Variants in SGCD observed in about 807,000 individuals in gnomAD.
SGCD encodes sarcoglycan delta, also known as delta-sarcoglycan.
In SGCD, 18 loss-of-function variants were observed where a neutral mutation model predicts 36.6. The ratio of observed to expected loss-of-function variants is 0.49; its 90% CI spans 0.34 to 0.73. The LOEUF (loss-of-function observed/expected upper bound fraction) is 0.73, where lower values mean the gene tolerates loss of function less well. Ranked by LOEUF, SGCD falls within the 30% of genes least tolerant of loss-of-function variation. SGCD has a pLI of 0.01. For missense variants in SGCD, 387 were observed against 346.7 expected (o/e 1.12, Z -0.92); for synonymous variants, 133 against 130.6 (o/e 1.02, Z -0.12).
At chr5:156,748,461 G>C (rs1757028024) in intron 7 of SGCD, among the ~76,000 whole-genome samples, 1 of 152,086 alleles carries the variant, frequency 6.6e-6, no homozygotes, top group Non-Finnish European at 1.5e-5. Context: ...ACAGAAAAAT[G>C]TGTCCAAGGC....
chr5:156,286,015 A>G (rs1766587475), intron 3 of SGCD, among the ~76,000 whole-genome samples: 1 of 152,240 alleles, frequency 6.6e-6, no homozygotes, highest in Non-Finnish European at 1.5e-5. Context: ...TGGGTGAAGG[A>G]TATGAACAGA....
At chr5:156,190,636 T>C (rs1169246174) in intron 3 of SGCD, among the ~76,000 whole-genome samples, 1 of 152,154 alleles carries the variant, frequency 6.6e-6, no homozygotes, top group African/African-American at 2.4e-5. Flanking sequence ...CTTGTGGAGA[T>C]TATATTTTAA....
chr5:156,232,456 A>G (rs187023762), intron 3 of SGCD, among the ~76,000 whole-genome samples: 1 of 152,222 alleles, frequency 6.6e-6, no homozygotes, highest in African/African-American at 2.4e-5. Flanking sequence ...TGGGGCCACA[A>G]GTAGACAGTC....
chr5:156,726,617 A>T (rs544633882), intron 7 of SGCD, among the ~76,000 whole-genome samples: 2 of 152,296 alleles, frequency 1.3e-5, no homozygotes, highest in South Asian at 4.1e-4. Context: ...CAAACTCTTT[A>T]TGCTCCTTCA....
At chr5:156,094,173 G>A (rs757093096) in intron 1 of SGCD, among the ~76,000 whole-genome samples, 25 of 152,248 alleles carry the variant, frequency 1.6e-4, no homozygotes, top group Non-Finnish European at 3.7e-4. Flanking sequence ...CGGTACTGTG[G>A]TCATAGGCGG....
chr5:156,602,959 T>G (rs1486558843), intron 6 of SGCD, among the ~76,000 whole-genome samples: 1 of 152,182 alleles, frequency 6.6e-6, no homozygotes, highest in Non-Finnish European at 1.5e-5. Flanking sequence ...CCTTGTAACA[T>G]CAGTTTGGAA....
intron 7 of SGCD, among the ~76,000 whole-genome samples, chr5:156,669,322 C>G (rs1263904972): frequency 3.3e-5 from 5 of 152,152 alleles, no homozygotes; most frequent in Non-Finnish European, 7.3e-5. Flanking sequence ...TTCCTGGAAT[C>G]TGAATTTTCC....
rs527856474 is a variant in SGCD at position 156,567,306 on chromosome 5, G to A, written c.295-21925G>A. Reference sequence around the variant, plus strand: ...GAGGGGGTGAATGGATGGATGGATGGATGGATGAATTAATGGGGGAAGGAG... The same window carrying A: ...GAGGGGGTGAATGGATGGATGGATGAATGGATGAATTAATGGGGGAAGGAG... On this transcript the variant is annotated intron_variant, in intron 4 of 8. Transcript: ENST00000337851. Among the ~76,000 whole-genome samples, 225 of 145,540 alleles carry A rather than the reference G, an allele frequency of 1.5e-3. 1 individual carries two copies. The highest frequency in any genetic ancestry group is 5.2e-3 in the African/African-American group (210 of 40,108).
chr5:156,073,580 A>C (rs1197588338), intron 1 of SGCD, among the ~76,000 whole-genome samples: 1 of 152,160 alleles, frequency 6.6e-6, no homozygotes, highest in African/African-American at 2.4e-5. Flanking sequence ...TAAAATAAAT[A>C]TGTCACACTA....
At chr5:156,703,258 A>T (rs561598940) in intron 7 of SGCD, among the ~76,000 whole-genome samples, 8 of 152,328 alleles carry the variant, frequency 5.3e-5, no homozygotes, top group Non-Finnish European at 1.2e-4. Flanking sequence ...CTAACTATGA[A>T]AAACATACTT....
chr5:156,006,779 C>T (rs189601370), intron 1 of SGCD, among the ~76,000 whole-genome samples: 98 of 152,244 alleles, frequency 6.4e-4, no homozygotes, highest in African/African-American at 2.0e-3. Flanking sequence ...TTAAATACTT[C>T]CCCAGTTAAA....
chr5:156,185,396 A>G (rs1467787963), intron 3 of SGCD, among the ~76,000 whole-genome samples: 3 of 151,648 alleles, frequency 2.0e-5, no homozygotes, highest in Admixed American at 1.3e-4. Context: ...TTGTATTTTT[A>G]GCAGAGACGG....
At chr5:156,583,041 G>C (rs915599914) in intron 4 of SGCD, among the ~76,000 whole-genome samples, 51 of 152,186 alleles carry the variant, frequency 3.4e-4, no homozygotes, top group African/African-American at 1.2e-3. Context: ...CTGCCAGAAA[G>C]AGTCAACATG....
At chr5:156,613,413 A>T (rs1028031051) in intron 6 of SGCD, among the ~76,000 whole-genome samples, 1 of 152,200 alleles carries the variant, frequency 6.6e-6, no homozygotes, top group Non-Finnish European at 1.5e-5. Context: ...GCCAGAAAAC[A>T]CCTTTACAGG....
intron 3 of SGCD, among the ~76,000 whole-genome samples, chr5:156,351,608 C>G (rs1238706588): frequency 8.2e-6 from 1 of 122,672 alleles, no homozygotes; most frequent in African/African-American, 3.9e-5. Flanking sequence ...TCGTAGTCAT[C>G]ATCATCATCA....
chr5:156,545,964 T>C (rs867112873), intron 4 of SGCD, among the ~76,000 whole-genome samples: 1 of 152,200 alleles, frequency 6.6e-6, no homozygotes, highest in Non-Finnish European at 1.5e-5. Flanking sequence ...TGTCAGTTTC[T>C]TCTTTTGAAA....
intron 3 of SGCD, among the ~76,000 whole-genome samples, chr5:156,384,672 T>G (rs1360285551): frequency 6.6e-6 from 1 of 152,196 alleles, no homozygotes; most frequent in Non-Finnish European, 1.5e-5. Flanking sequence ...ATGTGCATTT[T>G]TTTCCCCCAT....
chr5:156,314,553 G>A (rs2127692666), intron 3 of SGCD, among the ~76,000 whole-genome samples: 1 of 152,060 alleles, frequency 6.6e-6, no homozygotes, highest in East Asian at 1.9e-4. Context: ...GTCTACTCCA[G>A]CCTAGGCAGT....
the SGCD span, among the ~76,000 whole-genome samples, chr5:155,792,585 A>T: frequency 6.6e-6 from 1 of 152,116 alleles, no homozygotes; most frequent in East Asian, 1.9e-4. Context: ...CAACTAAAAA[A>T]TGGACAAAGG....
Sources: gnomAD v4.1 joint callset for allele counts (sites outside exome capture counted in the v4.1 genomes callset) on GRCh38, gnomAD v4.1.1 for gene constraint, MANE v1.5 for transcripts, NCBI Gene and HGNC (gene_info 2026-07-23, HGNC 2026-07-21) for gene names.